ARK2C: variants seen among roughly 807,000 people sequenced by gnomAD.
The protein encoded by ARK2C is E3 ubiquitin-protein ligase ARK2C.
At chr18:46,394,131 C>T in the ARK2C span, among the ~76,000 whole-genome samples, 2 of 152,152 alleles carry the variant, frequency 1.3e-5, no homozygotes, top group Non-Finnish European at 1.5e-5. Context: ...CACTTGGATG[C>T]AAGTGACTAG....
the ARK2C span, among the ~76,000 whole-genome samples, chr18:46,389,295 T>C: frequency 2.0e-5 from 3 of 152,378 alleles, no homozygotes; most frequent in African/African-American, 7.2e-5. Context: ...ATTTCTGTTA[T>C]AGAGAAAATT....
At chr18:46,429,246 G>T in the ARK2C span, among the ~76,000 whole-genome samples, 1 of 152,178 alleles carries the variant, frequency 6.6e-6, no homozygotes, top group Non-Finnish European at 1.5e-5. Flanking sequence ...TTTTTGCAAA[G>T]ATTTATTTTT....
the ARK2C span, among the ~76,000 whole-genome samples, chr18:46,390,857 G>A: frequency 6.6e-6 from 1 of 152,118 alleles, no homozygotes; most frequent in Non-Finnish European, 1.5e-5. Flanking sequence ...TGGGGTGTGA[G>A]GATCAGATGA....
the ARK2C span, chr18:46,450,801 T>C: frequency 6.2e-7 from 1 of 1,610,698 alleles, no homozygotes; most frequent in Non-Finnish European, 8.5e-7. Flanking sequence ...TATAAGAAGG[T>C]GGGTCTGCCA....
chr18:46,334,152 C>T, the ARK2C span: 1 of 406,668 alleles, frequency 2.5e-6, no homozygotes. The surrounding 1 kb of genome is among the most constrained non-coding windows in gnomAD (Gnocchi z 4.4). Flanking sequence ...GCCCGCGCCC[C>T]GCGCTCCGCC....
the ARK2C span, among the ~76,000 whole-genome samples, chr18:46,438,839 T>G: frequency 6.6e-6 from 1 of 152,230 alleles, no homozygotes; most frequent in Admixed American, 6.5e-5. Flanking sequence ...ATCTGTGTAG[T>G]GCTCTACAAA....
the ARK2C span, among the ~76,000 whole-genome samples, chr18:46,436,637 G>A: frequency 6.6e-6 from 1 of 152,132 alleles, no homozygotes; most frequent in Non-Finnish European, 1.5e-5. Flanking sequence ...GAATGCTATG[G>A]GAGCTTCTAG....
chr18:46,356,467 T>C, the ARK2C span, among the ~76,000 whole-genome samples: 1 of 152,136 alleles, frequency 6.6e-6, no homozygotes, highest in South Asian at 2.1e-4. Context: ...GTCAGTGTGA[T>C]ATTTACCAGA....
chr18:46,344,231 G>A, the ARK2C span, among the ~76,000 whole-genome samples: 1 of 152,182 alleles, frequency 6.6e-6, no homozygotes, highest in Non-Finnish European at 1.5e-5. Flanking sequence ...TCTGAGGCTG[G>A]GAGGAAGTGA....
the ARK2C span, among the ~76,000 whole-genome samples, chr18:46,383,106 G>A: frequency 6.6e-6 from 1 of 152,264 alleles, no homozygotes; most frequent in Non-Finnish European, 1.5e-5. Context: ...AGCAGGCCAA[G>A]GGCCTAGCCT....
At chr18:46,368,407 G>A in the ARK2C span, among the ~76,000 whole-genome samples, 11 of 152,284 alleles carry the variant, frequency 7.2e-5, no homozygotes, top group East Asian at 3.9e-4. Flanking sequence ...GGTGGGAAAC[G>A]AAGACTTCCA....
chr18:46,402,063 C>G, the ARK2C span, among the ~76,000 whole-genome samples: 8 of 152,234 alleles, frequency 5.3e-5, no homozygotes, highest in African/African-American at 1.9e-4. Context: ...AGTCACTCCA[C>G]TGTTTTGTGA....
chr18:46,447,645 A>T, the ARK2C span: 1 of 1,613,634 alleles, frequency 6.2e-7, no homozygotes, highest in Non-Finnish European at 8.5e-7. Flanking sequence ...TTACCTAGCC[A>T]CTCCTCGAAT....
At chr18:46,426,888 A>G in the ARK2C span, among the ~76,000 whole-genome samples, 1 of 152,222 alleles carries the variant, frequency 6.6e-6, no homozygotes, top group South Asian at 2.1e-4. Flanking sequence ...TAACAGGGAA[A>G]ATTGCAGGTT....
At chr18:46,458,679 G>C in the ARK2C span, 1 of 152,276 alleles carries the variant, frequency 6.6e-6, no homozygotes, top group Non-Finnish European at 1.5e-5. Context: ...GGCAGAAAGT[G>C]GGGGAAGTGG....
At chr18:46,334,187 C>T in the ARK2C span, 1 of 884,832 alleles carries the variant, frequency 1.1e-6, no homozygotes, top group Non-Finnish European at 1.3e-6. This position sits in a 1 kb window ranked among gnomAD's most constrained non-coding sequence, Gnocchi z 4.4. Context: ...CTCCCGCAGC[C>T]CCGCCGCCGC....
the ARK2C span, among the ~76,000 whole-genome samples, chr18:46,438,028 A>G: frequency 6.6e-6 from 1 of 152,260 alleles, no homozygotes; most frequent in African/African-American, 2.4e-5. Flanking sequence ...GATTCTGGGA[A>G]GAACTTAGGG....
At chr18:46,407,438 T>C in the ARK2C span, among the ~76,000 whole-genome samples, 4 of 152,236 alleles carry the variant, frequency 2.6e-5, no homozygotes, top group African/African-American at 9.6e-5. Context: ...ATTATTATTA[T>C]GTGGCTTTAT....
At chr18:46,456,193 C>A in the ARK2C span, 2 of 720,736 alleles carry the variant, frequency 2.8e-6, no homozygotes, top group Non-Finnish European at 4.9e-6. Flanking sequence ...ACGTATGTGC[C>A]AAGTGTGCTA....
Sources: allele counts gnomAD v4.1 joint callset (sites outside exome capture counted in the v4.1 genomes callset), GRCh38; gene constraint gnomAD v4.1.1; non-coding constraint Gnocchi (gnomAD v3.1); transcripts MANE v1.5; gene names NCBI Gene and HGNC (gene_info 2026-07-23, HGNC 2026-07-21).